CDX4: variants seen among roughly 807,000 people sequenced by gnomAD.
CDX4 encodes the protein caudal type homeobox 4, also known as homeobox protein CDX-4.
Under a neutral mutation model 14.1 loss-of-function variants are expected in CDX4, and 11 were observed. The ratio of observed to expected loss-of-function variants is 0.78; its 90% CI spans 0.49 to 1.29. CDX4 has a LOEUF of 1.29. Ranked by LOEUF, CDX4 falls within the 50% of genes most tolerant of loss-of-function variation. CDX4 has a pLI of 0.00. For synonymous variants in CDX4, 100 were observed against 93.5 expected, an observed-to-expected ratio of 1.07 and a Z score of -0.40; for missense variants, 257 against 237.4, an observed-to-expected ratio of 1.08 and a Z score of -0.54.
intron 2 of CDX4, 57 bp from the exon 3 acceptor site, chrX:73,454,322 C>T (rs1452923103): frequency 1.2e-5 from 10 of 828,701 alleles, no homozygotes; most frequent in Non-Finnish European, 1.8e-5. Context: ...AGTCTCTGTA[C>T]AATATCAGAA....
At position 73,447,182 on chromosome X, in the gene CDX4, C is replaced by A; in HGVS notation, c.-72C>A. On this transcript the variant is annotated 5_prime_UTR_variant, in exon 1 of 3. Transcript: ENST00000373514. ...GTACTGATAAGTTTATTCTCTGCTG[C>A]TTCTCAAAGTCGAGTTGGGGCCTTA... is the stretch of plus-strand genomic sequence containing the variant. 1 of 1,097,874 alleles carries A rather than the reference C, an allele frequency of 9.1e-7. No homozygotes were observed. The highest frequency in any genetic ancestry group is 1.2e-6 in the Non-Finnish European group (1 of 811,619). The allele number at this position is 1,097,874 out of a possible 1,213,427, so 90.5% of individuals were successfully genotyped here.
At position 73,449,769 on chromosome X, in the gene CDX4, GA is replaced by G. The variant is rs775748784; in HGVS notation, c.502+2020del. Among the ~76,000 whole-genome samples, 716 of 111,497 alleles carry G rather than the reference GA, an allele frequency of 6.4e-3. 8 individuals carry two copies. Among genetic ancestry groups the G allele is most frequent in the African/African-American group, 0.022 (672 of 30,717 alleles). On this transcript the variant is annotated intron_variant, in intron 1 of 2. Transcript: ENST00000373514. ...ATGAAAAACTTTGGTTATCTCCCTA[GA>G]AAAAATGCACAAAGGCACAGCAGCA...
Position 73,447,343 on chromosome X carries a change from C to A in CDX4, c.90C>A (p.Gly30=), listed in dbSNP as rs1403078383. ...GGGGCGACGGCACAGCTGGGACAGG[C>A]GGCACAGGGGGCGGTGGGAGTCCGA... is the stretch of plus-strand genomic sequence containing the variant. The part of the protein sequence containing the change: ...SPGGDGTAGT[G]GTGGGGSPMP... The change falls in exon 1 of 3, where the codon GGC becomes GGA. Residue 30 remains glycine (G), a synonymous_variant. Transcript: ENST00000373514. 4 of 1,211,081 alleles carry A rather than the reference C, an allele frequency of 3.3e-6. No individual in the cohort carries two copies. The highest frequency in any genetic ancestry group is 2.2e-5 in the Admixed American group (1 of 46,017).
At chrX:73,450,054 G>A (rs1040540352) in intron 1 of CDX4, among the ~76,000 whole-genome samples, 1 of 112,069 alleles carries the variant, frequency 8.9e-6, no homozygotes, top group African/African-American at 3.2e-5. Flanking sequence ...ATAACATATG[G>A]TTTATGACTG....
intron 1 of CDX4, among the ~76,000 whole-genome samples, chrX:73,453,162 A>T (rs2057094425): frequency 8.9e-6 from 1 of 111,770 alleles, no homozygotes; most frequent in Non-Finnish European, 1.9e-5. Flanking sequence ...AAAGTGTTTA[A>T]GCATTTTCAA....
chrX:73,449,311 A>G (rs2057080218), intron 1 of CDX4, among the ~76,000 whole-genome samples: 1 of 112,254 alleles, frequency 8.9e-6, no homozygotes, highest in Non-Finnish European at 1.9e-5. Flanking sequence ...AATAGAGAAC[A>G]AGAGAGGAAA....
In CDX4 at chrX:73,454,401, G is replaced by T; in HGVS notation, c.671G>T (p.Arg224Leu). 8.3e-7 allele frequency: 1 copy of T among 1,206,529 alleles called. No homozygotes were observed. Among genetic ancestry groups the T allele is most frequent in the Non-Finnish European group, 1.1e-6 (1 of 891,820 alleles). ...ERQVKIWFQN[R>L]RAKERKMIKK... is the part of the protein sequence containing the mutation. ...CAGGTGAAAATCTGGTTTCAGAATC[G>T]CAGAGCCAAGGAGAGAAAGATGATC... Residue 224 changes from arginine (R) to leucine (L), a missense_variant, in exon 3 of 3, where the codon CGC becomes CTC. Transcript: ENST00000373514.
intron 1 of CDX4, among the ~76,000 whole-genome samples, chrX:73,451,171 T>C (rs1291604399): frequency 1.8e-5 from 2 of 111,809 alleles, no homozygotes; most frequent in Non-Finnish European, 1.9e-5. Flanking sequence ...TAAAAGTTAG[T>C]TCTGTTAGTG....
rs2057102030 is a variant in CDX4, at chrX:73,454,859, C to A, written c.*274C>A. ...AAGCTAGAATCACAGGCCCTTCCAA[C>A]TCTGTTCACAATTTCAGAAACTTGC... On this transcript the variant is annotated 3_prime_UTR_variant, in exon 3 of 3. Coordinates refer to ENST00000373514, the MANE Select transcript of CDX4 (RefSeq NM_005193.2). 3.6e-6 allele frequency: 1 copy of A among 276,160 alleles called. No homozygotes were observed. The highest frequency in any genetic ancestry group is 6.4e-6 in the Non-Finnish European group (1 of 157,176). The allele number at this position is 276,160 out of a possible 1,213,427, so 22.8% of individuals were successfully genotyped here.
Position 73,449,354 on chromosome X carries a change from G to C in CDX4, c.502+1599G>C, listed in dbSNP as rs766405274. Among the ~76,000 whole-genome samples, 4 of 112,235 alleles carry C rather than the reference G, an allele frequency of 3.6e-5. No homozygotes were observed. In the South Asian group the frequency reaches 1.5e-3, roughly 42 times the overall value. ...GATAAAAGAAATTATCTCCAGCCTT[G>C]AATTTTCTATTTATGAGGAAAAATA... is the stretch of plus-strand genomic sequence containing the variant. On this transcript the variant is annotated intron_variant, in intron 1 of 2. Transcript: ENST00000373514.
intron 1 of CDX4, among the ~76,000 whole-genome samples, chrX:73,452,831 A>T (rs1420389359): frequency 8.9e-6 from 1 of 111,850 alleles, no homozygotes; most frequent in East Asian, 2.8e-4. Flanking sequence ...TTGGGCCATT[A>T]TTATGCGTCC....
intron 1 of CDX4, among the ~76,000 whole-genome samples, chrX:73,452,849 T>C (rs2057093403): frequency 8.9e-6 from 1 of 111,779 alleles, no homozygotes. Flanking sequence ...TCCCAGCATA[T>C]TTGAACTTGG....
At position 73,454,430 on chromosome X, in the gene CDX4, A is replaced by G. The variant is rs1353251015; in HGVS notation, c.700A>G (p.Lys234Glu). 1 of 1,209,617 alleles carries G rather than the reference A, an allele frequency of 8.3e-7. No homozygotes were observed. Among genetic ancestry groups the G allele is most frequent in the South Asian group, 1.8e-5 (1 of 56,709 alleles). ...AGCCAAGGAGAGAAAGATGATCAAA[A>G]AGAAAATCTCCCAGTTTGAGAATAG... is the stretch of plus-strand genomic sequence containing the variant. The part of the protein sequence containing the change: ...RRAKERKMIK[K>E]KISQFENSGG... Residue 234 changes from lysine to glutamate, a missense_variant, in exon 3 of 3, where the codon AAG becomes GAG. Coordinates refer to ENST00000373514, the MANE Select transcript of CDX4 (RefSeq NM_005193.2).
At chrX:73,451,826 G>C (rs1185794309) in intron 1 of CDX4, among the ~76,000 whole-genome samples, 1 of 111,981 alleles carries the variant, frequency 8.9e-6, no homozygotes, top group Admixed American at 9.5e-5. Context: ...GATACATTTC[G>C]ATCTCAAGAT....
At position 73,454,677 on chromosome X, in the gene CDX4, T is replaced by C. The variant is rs2057101363; in HGVS notation, c.*92T>C. ...ACAGGGGAGTTGGAGCAGGGTGTAA[T>C]TCCCTGTAAGGCAGTATTTGGAACA... On this transcript the variant is annotated 3_prime_UTR_variant, in exon 3 of 3. Transcript: ENST00000373514. 1.7e-6 allele frequency: 1 copy of C among 598,829 alleles called. No individual in the cohort carries two copies. The highest frequency in any genetic ancestry group is 2.7e-6 in the Non-Finnish European group (1 of 373,664). The allele number at this position is 598,829 out of a possible 1,213,427, so 49.4% of individuals were successfully genotyped here.
intron 2 of CDX4, 24 bp downstream of exon 2, chrX:73,453,686 T>A (rs1838933560): frequency 1.7e-6 from 2 of 1,168,068 alleles, no homozygotes; most frequent in South Asian, 3.7e-5. Context: ...ATATCCAACA[T>A]GTCCCGTATA....
intron 2 of CDX4, 72 bp downstream of exon 2, chrX:73,453,734 G>C: frequency 1.1e-6 from 1 of 949,275 alleles, no homozygotes; most frequent in Non-Finnish European, 1.5e-6. Context: ...GAATTGTAAA[G>C]TCCCTTAATG....
At chrX:73,451,183 TA>T (rs2057085681) in intron 1 of CDX4, among the ~76,000 whole-genome samples, 1 of 111,877 alleles carries the variant, frequency 8.9e-6, no homozygotes, top group African/African-American at 3.2e-5. Context: ...CTGTTAGTGC[TA>T]TTTTTTTGGT....
chrX:73,454,218 G>T (rs2075528), intron 2 of CDX4, among the ~76,000 whole-genome samples, 161 bp from the exon 3 acceptor site: 11,292 of 111,261 alleles, frequency 0.1, 1,166 homozygotes, highest in East Asian at 0.78. Flanking sequence ...TAAGTCTCAA[G>T]CTTTTTTTCT....
Sources: allele counts gnomAD v4.1 joint callset (sites outside exome capture counted in the v4.1 genomes callset), GRCh38; gene constraint gnomAD v4.1.1; transcripts MANE v1.5; gene names NCBI Gene and HGNC (gene_info 2026-07-23, HGNC 2026-07-21).